Variants in PDLIM5 observed in about 807,000 individuals in gnomAD.
PDLIM5 encodes PDZ and LIM domain protein 5.
PDLIM5 carries 34 observed loss-of-function variants against 64.2 expected under a neutral mutation model. The ratio of observed to expected loss-of-function variants is 0.53; its 90% confidence interval spans 0.40 to 0.71. The LOEUF is 0.71. Ranked by LOEUF, PDLIM5 falls within the 30% of genes least tolerant of loss-of-function variation. The pLI is 0.00. For missense variants in PDLIM5, 683 were observed against 733.6 expected, an observed-to-expected ratio of 0.93 and a Z score of 0.80; for synonymous variants, 253 against 269.1, an observed-to-expected ratio of 0.94 and a Z score of 0.59.
At chr4:94,506,308 G>A (rs969292878) in intron 2 of PDLIM5, among the ~76,000 whole-genome samples, 2 of 152,142 alleles carry the variant, frequency 1.3e-5, no homozygotes, top group Non-Finnish European at 2.9e-5. Flanking sequence ...TGAATTGCAC[G>A]TAATGTTCTT....
At chr4:94,457,060 G>A in intron 2 of PDLIM5, 2 of 876,436 alleles carry the variant, frequency 2.3e-6, no homozygotes, top group Non-Finnish European at 1.4e-6. Context: ...AATAATATAT[G>A]TGTATGTATA....
At chr4:94,631,024 C>T (rs1336371807) in intron 8 of PDLIM5, among the ~76,000 whole-genome samples, 1 of 151,708 alleles carries the variant, frequency 6.6e-6, no homozygotes, top group Non-Finnish European at 1.5e-5. Flanking sequence ...CCTCCTGCCT[C>T]ACATCCCTGA....
rs536409762 is a variant in PDLIM5 at position 94,535,133 on chromosome 4, C to A, written c.248+11258C>A. On this transcript the variant is annotated intron_variant, in intron 3 of 12. Coordinates refer to ENST00000317968, the MANE Select transcript of PDLIM5 (RefSeq NM_006457.5). ...ACCAGAGGCAGGGAGACTAGTCAGG[C>A]AAGTATTGCAGTAACCTGGCTTAGT... Among the ~76,000 whole-genome samples, 603 of 152,108 alleles carry A rather than the reference C, an allele frequency of 4.0e-3. 2 individuals carry two copies. The highest frequency in any genetic ancestry group is 5.5e-3 in the Non-Finnish European group (372 of 67,986).
rs889707599 is a variant in PDLIM5 at position 94,667,858 on chromosome 4, G to A, written c.*3791G>A. ...AGAAAATAATTTCTTCTTTACCCCC[G>A]TTCCAGTGTGAATCTAGTATTCTGT... is the stretch of plus-strand genomic sequence containing the variant. On this transcript the variant is annotated 3_prime_UTR_variant, in exon 13 of 13. Transcript: ENST00000317968. 2 of 151,882 alleles carry A rather than the reference G, an allele frequency of 1.3e-5. No homozygotes were observed. Among genetic ancestry groups the A allele is most frequent in the Non-Finnish European group, 2.9e-5 (2 of 67,978 alleles). 9.4% of individuals were successfully genotyped at this position (151,882 alleles called of 1,614,324 possible). A position where few individuals can be genotyped will look rare whatever the true frequency, so the allele number is the denominator to read the frequency against.
intron 8 of PDLIM5, among the ~76,000 whole-genome samples, chr4:94,620,164 C>G (rs1739106720): frequency 6.6e-6 from 1 of 152,182 alleles, no homozygotes; most frequent in African/African-American, 2.4e-5. Context: ...CCACTCTGTA[C>G]AGAATGTACT....
At chr4:94,629,959 A>T (rs887893602) in intron 8 of PDLIM5, among the ~76,000 whole-genome samples, 2 of 152,212 alleles carry the variant, frequency 1.3e-5, no homozygotes, top group Non-Finnish European at 2.9e-5. Context: ...GGCTTTCAGC[A>T]TAAGGAGCTT....
At chr4:94,616,259 T>A (rs1738777152) in intron 7 of PDLIM5, among the ~76,000 whole-genome samples, 1 of 152,218 alleles carries the variant, frequency 6.6e-6, no homozygotes, top group Non-Finnish European at 1.5e-5. Context: ...ATTTCAAAAA[T>A]CATTTATTTG....
chr4:94,666,307 AG>A lies in PDLIM5; in HGVS notation c.*2244del, dbSNP rs1235822527. 1.8e-5 allele frequency: 6 copies of A among 332,374 alleles called. No individual in the cohort carries two copies. The East Asian group carries it at 2.8e-4, about 16-fold the overall frequency. 20.6% of individuals were successfully genotyped at this position (332,374 alleles called of 1,614,324 possible). Reference sequence around the variant, plus strand: ...ATTAACTGGGGATAAAAGAATGGCAAGGGGTGACACAAAGTAGCAAACTGAA... The same window carrying A: ...ATTAACTGGGGATAAAAGAATGGCAAGGGTGACACAAAGTAGCAAACTGAA... On this transcript the variant is annotated 3_prime_UTR_variant, in exon 13 of 13. Coordinates refer to ENST00000317968, the MANE Select transcript of PDLIM5 (RefSeq NM_006457.5).
intron 2 of PDLIM5, among the ~76,000 whole-genome samples, chr4:94,487,632 C>G (rs1273091667): frequency 6.6e-6 from 1 of 152,164 alleles, no homozygotes; most frequent in Non-Finnish European, 1.5e-5. Flanking sequence ...CCTGTACTCC[C>G]TGTAAAATAT....
intron 2 of PDLIM5, among the ~76,000 whole-genome samples, chr4:94,523,271 C>A (rs764889982): frequency 2.5e-4 from 38 of 152,168 alleles, no homozygotes; most frequent in Non-Finnish European, 5.1e-4. Context: ...TTTAGCAGAT[C>A]TTCCCTCTCT....
intron 7 of PDLIM5, among the ~76,000 whole-genome samples, chr4:94,601,614 A>G (rs1737507222): frequency 6.6e-6 from 1 of 152,120 alleles, no homozygotes; most frequent in Admixed American, 6.5e-5. Flanking sequence ...ATGTTTGATA[A>G]TTTATTTCAT....
chr4:94,632,507 G>A (rs1000424301), intron 8 of PDLIM5, among the ~76,000 whole-genome samples: 2 of 152,048 alleles, frequency 1.3e-5, no homozygotes, highest in Non-Finnish European at 2.9e-5. Context: ...AATTAAATTA[G>A]AAACAAAGAA....
At chr4:94,474,736 A>T (rs1725176215) in intron 2 of PDLIM5, among the ~76,000 whole-genome samples, 1 of 151,810 alleles carries the variant, frequency 6.6e-6, no homozygotes, top group Non-Finnish European at 1.5e-5. Context: ...TGTAATCTCC[A>T]TCTCTTGGAC....
At chr4:94,478,029 G>A (rs1560642073) in intron 2 of PDLIM5, among the ~76,000 whole-genome samples, 2 of 152,026 alleles carry the variant, frequency 1.3e-5, no homozygotes, top group Non-Finnish European at 2.9e-5. Context: ...AGGCCGAGGC[G>A]AGCGGATCAT....
chr4:94,588,754 A>G (rs1578429477), intron 7 of PDLIM5, among the ~76,000 whole-genome samples: 2 of 152,118 alleles, frequency 1.3e-5, no homozygotes, highest in East Asian at 3.8e-4. Context: ...GCCTACATTC[A>G]AGGGTCTATT....
chr4:94,653,441 G>A (rs998499214), intron 9 of PDLIM5, among the ~76,000 whole-genome samples: 2 of 152,108 alleles, frequency 1.3e-5, no homozygotes, highest in Non-Finnish European at 2.9e-5. Context: ...AGGCTAGAAT[G>A]GTTAGTCTCT....
chr4:94,486,030 G>A (rs901260234), intron 2 of PDLIM5, among the ~76,000 whole-genome samples: 3 of 152,092 alleles, frequency 2.0e-5, no homozygotes, highest in Non-Finnish European at 2.9e-5. Context: ...TGGGGACTCA[G>A]TGCATTTCTT....
intron 8 of PDLIM5, among the ~76,000 whole-genome samples, chr4:94,624,394 G>A (rs1368809904): frequency 3.3e-5 from 5 of 152,036 alleles, no homozygotes; most frequent in East Asian, 1.9e-4. Flanking sequence ...ATGTGGGATC[G>A]CCCATTTTGT....
At chr4:94,499,266 A>G (rs1358123037) in intron 2 of PDLIM5, among the ~76,000 whole-genome samples, 2 of 152,192 alleles carry the variant, frequency 1.3e-5, no homozygotes, top group Admixed American at 6.5e-5. Flanking sequence ...GAGAAAAAAT[A>G]TAAAATGGAG....
Sources: allele counts gnomAD v4.1 joint callset (sites outside exome capture counted in the v4.1 genomes callset), GRCh38; gene constraint gnomAD v4.1.1; transcripts MANE v1.5; gene names NCBI Gene and HGNC (gene_info 2026-07-23, HGNC 2026-07-21).